The following ATP11A variants were observed in gnomAD, a reference collection of about 807,000 sequenced individuals.
ATP11A encodes the protein ATPase phospholipid transporting 11A, also known as phospholipid-transporting ATPase IH.
A neutral mutation model predicts 154.4 loss-of-function variants in ATP11A; 81 were observed. The observed-to-expected ratio is 0.52, with a 90% confidence interval of 0.44 to 0.63. The LOEUF (loss-of-function observed/expected upper bound fraction) is 0.63. Among genes scored for constraint, ATP11A ranks in the 30% least tolerant of loss-of-function variants. The probability of loss-of-function intolerance (pLI) is 0.00; values close to 1 mark genes in which losing one functional copy is unlikely to be tolerated. For synonymous variants in ATP11A, 623 were observed against 585.9 expected (o/e 1.06, Z -0.91); for missense variants, 1,316 against 1,474.3 (o/e 0.89, Z 1.76).
At chr13:112,876,835 G>T (rs963163327) in intron 28 of ATP11A, among the ~76,000 whole-genome samples, 1 of 152,122 alleles carries the variant, frequency 6.6e-6, no homozygotes, top group Non-Finnish European at 1.5e-5. Flanking sequence ...ACACCCGGGG[G>T]CTGGCTCCCA....
rs540010375 is a variant in ATP11A, at chr13:112,702,467, G to C, written c.39+12012G>C. ...AGAGCCTCGGAAGGCGTGCACACGG[G>C]GGGTGCGTGATGGTGTCTCCCTCTG... On this transcript the variant is annotated intron_variant, in intron 1 of 29. Transcript: ENST00000375645. Among the ~76,000 whole-genome samples the C allele has an allele frequency of 3.9e-5, 6 of 152,242 alleles. No homozygotes were observed. In the South Asian group the frequency reaches 6.2e-4, roughly 16 times the overall value.
intron 1 of ATP11A, among the ~76,000 whole-genome samples, chr13:112,731,220 TA>T (rs1447910178): frequency 1.3e-5 from 2 of 151,036 alleles, no homozygotes; most frequent in East Asian, 3.8e-4. Flanking sequence ...CCGCCTGCCT[TA>T]GCCTCCCAAA....
intron 1 of ATP11A, among the ~76,000 whole-genome samples, chr13:112,729,652 T>G (rs952307909): frequency 3.9e-5 from 6 of 152,140 alleles, no homozygotes; most frequent in African/African-American, 1.4e-4. Context: ...CACGTCTGAG[T>G]GTGAACAGCG....
chr13:112,873,494 C>G, intron 26 of ATP11A, 79 bp from the exon 27 acceptor site: 5 of 1,105,408 alleles, frequency 4.5e-6, no homozygotes, highest in South Asian at 1.5e-5. Context: ...CGTCACCCCC[C>G]GGCTCTCTGT....
intron 17 of ATP11A, among the ~76,000 whole-genome samples, chr13:112,844,351 C>G (rs1401966369): frequency 6.6e-6 from 1 of 152,148 alleles, no homozygotes; most frequent in Non-Finnish European, 1.5e-5. Context: ...GATGTAATTG[C>G]CATACATTGA....
At chr13:112,765,089 T>C (rs997390495) in intron 1 of ATP11A, among the ~76,000 whole-genome samples, 4 of 152,056 alleles carry the variant, frequency 2.6e-5, no homozygotes, top group Admixed American at 1.3e-4. Context: ...AGGGTTTCAG[T>C]GAGATGGGGT....
rs1271791081 is a variant in ATP11A at position 112,807,669 on chromosome 13, G to A, written c.333+1376G>A. Among the ~76,000 whole-genome samples, 4 of 152,156 alleles carry A rather than the reference G, an allele frequency of 2.6e-5. No individual in the cohort carries two copies. Among genetic ancestry groups the A allele is most frequent in the Non-Finnish European group, 4.4e-5 (3 of 68,026 alleles). The stretch of plus-strand genomic sequence containing the variant: ...ACAAGGAAATGGTGCTGAAGGAAAC[G>A]ATGTTACTCGGGGACCTGCCATGTG... On this transcript the variant is annotated intron_variant, in intron 4 of 29. Transcript: ENST00000375645. This position sits in a 1 kb window ranked among gnomAD's most constrained non-coding sequence, Gnocchi z 4.5.
intron 25 of ATP11A, among the ~76,000 whole-genome samples, chr13:112,869,345 A>T (rs2080438397): frequency 6.6e-6 from 1 of 152,168 alleles, no homozygotes; most frequent in South Asian, 2.1e-4. Context: ...GCTCTGCAGG[A>T]CCAGGCATCC....
At chr13:112,761,809 C>A (rs116698939) in intron 1 of ATP11A, among the ~76,000 whole-genome samples, 6 of 152,196 alleles carry the variant, frequency 3.9e-5, no homozygotes, top group Non-Finnish European at 7.3e-5. Flanking sequence ...GGTGTGGCCC[C>A]GGCTGGAACA....
Position 112,727,992 on chromosome 13 carries a change from G to C in ATP11A, c.39+37537G>C, listed in dbSNP as rs1246885860. Among the ~76,000 whole-genome samples the C allele has an allele frequency of 2.0e-5, 3 of 152,196 alleles. No individual in the cohort carries two copies. The South Asian group carries it at 6.2e-4, about 31-fold the overall frequency. ...AGCAAGGGCCGTGTCTGGTGAGCAG[G>C]GGAAAAACACCCCTTTTTCATAGAC... On this transcript the variant is annotated intron_variant, in intron 1 of 29. Transcript: ENST00000375645.
At chr13:112,708,218 C>T (rs1438949081) in intron 1 of ATP11A, among the ~76,000 whole-genome samples, 3 of 152,128 alleles carry the variant, frequency 2.0e-5, no homozygotes, top group Admixed American at 6.5e-5. Flanking sequence ...AAGAGTTTGT[C>T]GAATCCCAAA....
At chr13:112,850,933 T>C in intron 17 of ATP11A, 104 bp from the exon 18 acceptor site, 1 of 1,020,916 alleles carries the variant, frequency 9.8e-7, no homozygotes, top group Middle Eastern at 2.8e-4. Context: ...AATTCTTGGG[T>C]TAGTTAGTCT....
intron 2 of ATP11A, among the ~76,000 whole-genome samples, chr13:112,791,368 C>A (rs1016187990): frequency 6.6e-6 from 1 of 152,238 alleles, no homozygotes; most frequent in African/African-American, 2.4e-5. Context: ...GAGCTGGCTT[C>A]TCCCTTCCTG....
chr13:112,808,968 G>A (rs541016538), intron 4 of ATP11A, among the ~76,000 whole-genome samples: 4 of 152,334 alleles, frequency 2.6e-5, no homozygotes, highest in South Asian at 2.1e-4. Context: ...CCTCTTTGGC[G>A]TCTTCCCGCA....
At chr13:112,835,439 T>A (rs556633390) in intron 15 of ATP11A, among the ~76,000 whole-genome samples, 1 of 152,336 alleles carries the variant, frequency 6.6e-6, no homozygotes, top group Non-Finnish European at 1.5e-5. Context: ...TCCTGGGCCC[T>A]CCGCTGGCAC....
At chr13:112,854,581 C>T (rs752996264) in intron 19 of ATP11A, 51 bp downstream of exon 19, 34 of 1,568,642 alleles carry the variant, frequency 2.2e-5, no homozygotes, top group Non-Finnish European at 2.9e-5. Context: ...AAAGGGGCTT[C>T]AGACCCAGTG....
chr13:112,770,820 G>A (rs1368773792), intron 1 of ATP11A, among the ~76,000 whole-genome samples: 6 of 152,154 alleles, frequency 3.9e-5, no homozygotes, highest in African/African-American at 7.2e-5. Context: ...TTTTAGAAAC[G>A]CTTAAGTGCC....
At chr13:112,787,252 GGGTGTCCTGATGCGTAGACTCCTGTGGAT>G (rs2077663544) in intron 2 of ATP11A, among the ~76,000 whole-genome samples, 1 of 120,790 alleles carries the variant, frequency 8.3e-6, no homozygotes, top group African/African-American at 4.3e-5. Flanking sequence ...AATTCACACC[GGGTGTCCTGATGCGTAGACTCCTGTGGAT>G]ACCTACTTAA....
At chr13:112,861,990 C>A (rs570548333) in intron 24 of ATP11A, among the ~76,000 whole-genome samples, 11 of 152,310 alleles carry the variant, frequency 7.2e-5, no homozygotes, top group African/African-American at 2.6e-4. Flanking sequence ...TAAGGTGTCA[C>A]GTCAGGCGTA....
Sources: gnomAD v4.1 joint callset for allele counts (sites outside exome capture counted in the v4.1 genomes callset) on GRCh38, gnomAD v4.1.1 for gene constraint, Gnocchi (gnomAD v3.1) non-coding constraint, MANE v1.5 for transcripts, NCBI Gene and HGNC (gene_info 2026-07-23, HGNC 2026-07-21) for gene names.